ARID3C: variants seen among roughly 807,000 people sequenced by gnomAD.
ARID3C encodes AT-rich interaction domain 3C, also known as AT-rich interactive domain-containing protein 3C.
In ARID3C, 42 loss-of-function variants were observed where a neutral mutation model predicts 37.9. That is an observed-to-expected ratio of 1.11 (90% CI 0.87 to 1.43). The LOEUF is 1.43. Ranked by LOEUF, ARID3C falls within the 40% of genes most tolerant of loss-of-function variation. The pLI is 0.00. For synonymous variants in ARID3C, 213 were observed against 228.0 expected, an observed-to-expected ratio of 0.93 and a Z score of 0.59; for missense variants, 581 against 548.8, an observed-to-expected ratio of 1.06 and a Z score of -0.59.
rs1820666489 is a variant in ARID3C, at chr9:34,627,107, T to TATC, written c.318+587_318+589dup. ...GTAGTGGCCATCCCAGGCTGGGAAC[T>TATC]ATCATCCGTGGAACTCAGGCCAGGG... is the stretch of plus-strand genomic sequence containing the variant. On this transcript the variant is annotated intron_variant, in intron 1 of 6. Transcript: ENST00000378909. Among the ~76,000 whole-genome samples the TATC allele has an allele frequency of 2.0e-5, 3 of 152,312 alleles. No individual in the cohort carries two copies. The South Asian group carries it at 6.2e-4, about 32-fold the overall frequency.
chr9:34,624,056 GA>G lies in ARID3C; in HGVS notation c.392-10del. ...GCGGTTCACTGGCGTCCCTGGTGGG[GA>G]GCGGGCTGCCGTCAGGACACTGAGA... On this transcript the variant is annotated splice_polypyrimidine_tract_variant and intron_variant, in intron 2 of 6. Transcript: ENST00000378909. The G allele has an allele frequency of 6.3e-7, 1 of 1,575,250 alleles. No homozygotes were observed.
At chr9:34,632,643 A>G (rs577331632), upstream of ARID3C, among the ~76,000 whole-genome samples, 2 of 152,260 alleles carry the variant, frequency 1.3e-5, no homozygotes, top group East Asian at 3.9e-4. Flanking sequence ...GAGTCTGGAT[A>G]TATTCTGCAG....
Position 34,623,805 on chromosome 9 carries a change from C to T in ARID3C, c.575+59G>A, listed in dbSNP as rs925748238. 3.2e-5 allele frequency: 48 copies of T among 1,507,882 alleles called. No homozygotes were observed. In the Middle Eastern group the frequency reaches 8.8e-4, roughly 28 times the overall value. The allele number at this position is 1,507,882 out of a possible 1,614,324, so 93.4% of individuals were successfully genotyped here. ...GGACGCCCGCCCGGGGACCCTCCCC[C>T]CTCCCGCCCCAGGCCGAACCCGTGC... is the stretch of plus-strand genomic sequence containing the variant. On this transcript the variant is annotated intron_variant, in intron 3 of 6. Transcript: ENST00000378909.
Position 34,624,061 on chromosome 9 carries a change from G to T in ARID3C, c.392-14C>A, listed in dbSNP as rs1235225156. The T allele has an allele frequency of 6.4e-7, 1 of 1,571,342 alleles. No homozygotes were observed. Among genetic ancestry groups the T allele is most frequent in the Middle Eastern group, 1.7e-4 (1 of 6,008 alleles). ...TCACTGGCGTCCCTGGTGGGGAGCGGGCTGCCGTCAGGACACTGAGACGAA... is the reference window on the plus strand; with the variant it reads ...TCACTGGCGTCCCTGGTGGGGAGCGTGCTGCCGTCAGGACACTGAGACGAA... On this transcript the variant is annotated splice_polypyrimidine_tract_variant and intron_variant, in intron 2 of 6. Coordinates refer to ENST00000378909, the Ensembl canonical transcript of ARID3C.
exon 3 of ARID3C, chr9:34,623,993 G>A: frequency 6.2e-7 from 1 of 1,603,248 alleles, no homozygotes; most frequent in South Asian, 1.1e-5. Flanking sequence ...GCGAAACAGA[G>A]CGTACAGGTC....
intron 1 of ARID3C, among the ~76,000 whole-genome samples, chr9:34,627,185 G>A (rs989064864): frequency 1.1e-4 from 17 of 152,210 alleles, no homozygotes; most frequent in African/African-American, 4.1e-4. Context: ...GAAAGGAAAG[G>A]TGTATCAGCC....
At chr9:34,622,580 A>C in intron 4 of ARID3C, 51 bp from the exon 6 acceptor site, 1 of 1,522,586 alleles carries the variant, frequency 6.6e-7, no homozygotes. Context: ...CCATCTCTGC[A>C]TTGGTTCTCC....
rs1315020931 is a variant in ARID3C, at chr9:34,623,520, G to GGA, written c.768_769dup (p.Pro257LeufsTer26). ...TGGGCCAGGGCTGGACTGGGTCGCC[G>GGA]GAGGGGCGGGGCCGGGACCCAAGGC... On this transcript the variant is annotated frameshift_variant, in exon 4 of 7. Transcript: ENST00000378909. LOFTEE classifies it high-confidence loss of function. 9.0e-6 allele frequency: 14 copies of GGA among 1,561,838 alleles called. No homozygotes were observed. Among genetic ancestry groups the GGA allele is most frequent in the Non-Finnish European group, 1.1e-5 (13 of 1,157,978 alleles).
intron 2 of ARID3C, among the ~76,000 whole-genome samples, chr9:34,625,078 G>A (rs981621668): frequency 3.3e-5 from 5 of 152,060 alleles, no homozygotes; most frequent in African/African-American, 1.2e-4. Context: ...GGGGGCGGGG[G>A]GTAACAGGGC....
chr9:34,624,582 G>A (rs1056438444), intron 2 of ARID3C, among the ~76,000 whole-genome samples: 1 of 152,202 alleles, frequency 6.6e-6, no homozygotes, highest in Non-Finnish European at 1.5e-5. Context: ...CCCAAGGCTG[G>A]GGGATGACGG....
At chr9:34,622,178 C>T in intron 5 of ARID3C, 69 bp from the exon 7 acceptor site, 2 of 1,594,314 alleles carry the variant, frequency 1.3e-6, no homozygotes, top group Non-Finnish European at 1.7e-6. Flanking sequence ...TAGAATTTCC[C>T]CCCTCCATCC....
upstream of ARID3C, among the ~76,000 whole-genome samples, chr9:34,629,565 C>T (rs1396543521): frequency 1.3e-5 from 2 of 152,208 alleles, no homozygotes; most frequent in Non-Finnish European, 2.9e-5. Flanking sequence ...TGCTGTCCCC[C>T]ACTGCGGGCA....
chr9:34,626,922 C>T (rs1820660465), intron 1 of ARID3C, among the ~76,000 whole-genome samples: 1 of 152,172 alleles, frequency 6.6e-6, no homozygotes, highest in African/African-American at 2.4e-5. Context: ...CACCTGGAGA[C>T]ACAGCCCTGT....
At chr9:34,632,299 G>A (rs2132318412), upstream of ARID3C, among the ~76,000 whole-genome samples, 1 of 152,324 alleles carries the variant, frequency 6.6e-6, no homozygotes, top group East Asian at 1.9e-4. Context: ...CAAATATCCT[G>A]GGATAGAATT....
At chr9:34,627,547 C>T (rs1211103004) in intron 1 of ARID3C, 150 bp downstream of exon 2, 6 of 648,886 alleles carry the variant, frequency 9.2e-6, no homozygotes. Flanking sequence ...CCAATCTTCT[C>T]TCTGTCTTTC....
In ARID3C at chr9:34,626,469, A is replaced by G. The variant is rs187320938; in HGVS notation, c.319-655T>C. Among the ~76,000 whole-genome samples, 29 of 152,174 alleles carry G rather than the reference A, an allele frequency of 1.9e-4. No homozygotes were observed. The East Asian group carries it at 4.6e-3, about 24-fold the overall frequency. On this transcript the variant is annotated intron_variant, in intron 1 of 6. Transcript: ENST00000378909. ...GACCTGTGGGGTCAGAGTTTAAAGG[A>G]TCCACAGGCCATCTCAACTCTTCCT...
chr9:34,627,197 G>A (rs563003896), intron 1 of ARID3C, among the ~76,000 whole-genome samples: 14 of 152,348 alleles, frequency 9.2e-5, no homozygotes, highest in Middle Eastern at 3.4e-3. Flanking sequence ...GTATCAGCCT[G>A]CCAAGTGAGT....
At position 34,621,525 on chromosome 9, in the gene ARID3C, G is replaced by T. The variant is rs140417025; in HGVS notation, c.1172C>A (p.Ala391Asp). 1.7e-4 allele frequency: 260 copies of T among 1,561,940 alleles called. 1 individual carries two copies. Among genetic ancestry groups the T allele is most frequent in the Admixed American group, 8.6e-4 (40 of 46,596 alleles). ...TGCAGGGTTGGTTGGACCCTGGGAA[G>T]CTGGCACAGGCTGGCGGCGGGCAAA... The change falls in exon 7 of 7, where the codon GCT becomes GAT. Residue 391 changes from alanine (A) to aspartate (D), a missense_variant. Transcript: ENST00000378909.
At chr9:34,623,916 C>A in exon 3 of ARID3C, 1 of 1,600,832 alleles carries the variant, frequency 6.2e-7, no homozygotes. Context: ...AGGCTGAGGC[C>A]GCGCGTGACT....
Sources: allele counts gnomAD v4.1 joint callset (sites outside exome capture counted in the v4.1 genomes callset), GRCh38; gene constraint gnomAD v4.1.1; transcripts MANE v1.5; gene names NCBI Gene and HGNC (gene_info 2026-07-23, HGNC 2026-07-21).